The following TMEM183A variants were observed in gnomAD, a reference collection of about 807,000 sequenced individuals.
TMEM183A encodes transmembrane protein 183A, also known as chromosome 1 open reading frame 37.
Under a neutral mutation model 46.7 loss-of-function variants are expected in TMEM183A, and 21 were observed. That is an observed-to-expected ratio of 0.45 (90% CI 0.32 to 0.65). TMEM183A has a LOEUF of 0.65. Ranked by LOEUF, TMEM183A falls within the 30% of genes least tolerant of loss-of-function variation. TMEM183A has a pLI of 0.04. For missense variants in TMEM183A, 331 were observed against 481.9 expected (o/e 0.69, Z 2.93); for synonymous variants, 165 against 180.2 (o/e 0.92, Z 0.68).
chr1:203,009,874 G>A lies in TMEM183A; in HGVS notation c.367+1064G>A, dbSNP rs184814696. Among the ~76,000 whole-genome samples the A allele has an allele frequency of 8.3e-3, 1,270 of 152,232 alleles. 58 individuals carry two copies. Among genetic ancestry groups the A allele is most frequent in the Admixed American group, 0.077 (1,178 of 15,274 alleles). On this transcript the variant is annotated intron_variant, in intron 3 of 7. Coordinates refer to ENST00000367242, the MANE Select transcript of TMEM183A (RefSeq NM_138391.6). ...GGTGAGGCCAGGCATGGTGGCTCAC[G>A]CTTGTAATCCCAACACTTTGGGAGG...
At chr1:203,018,691 T>C (rs992445941) in intron 6 of TMEM183A, 130 bp downstream of exon 6, 15 of 1,085,918 alleles carry the variant, frequency 1.4e-5, no homozygotes, top group Non-Finnish European at 1.7e-5. Context: ...GAACGAACTT[T>C]ATTTCTTAAC....
In TMEM183A at chr1:203,023,895, CAG is replaced by C. The variant is rs1657946389; in HGVS notation, c.*858_*859del. On this transcript the variant is annotated 3_prime_UTR_variant, in exon 8 of 8. Coordinates refer to ENST00000367242, the MANE Select transcript of TMEM183A (RefSeq NM_138391.6). ...GTAGATGGTGGTAAAAAGGAGTAGG[CAG>C]AGTGTACATAGATAAAAAAAAGTAA... is the stretch of plus-strand genomic sequence containing the variant. 1 of 151,788 alleles carries C rather than the reference CAG, an allele frequency of 6.6e-6. No homozygotes were observed. 9.4% of individuals were successfully genotyped at this position (151,788 alleles called of 1,614,324 possible). A position where few individuals can be genotyped will look rare whatever the true frequency, so the allele number is the denominator to read the frequency against.
intron 2 of TMEM183A, 127 bp downstream of exon 2, chr1:203,007,990 AC>A: frequency 3.4e-6 from 4 of 1,170,074 alleles, no homozygotes; most frequent in Non-Finnish European, 4.8e-6. Context: ...GTGTTAACTT[AC>A]ATATTGGGGT....
intron 5 of TMEM183A, 158 bp downstream of exon 5, chr1:203,016,298 A>G: frequency 9.8e-7 from 1 of 1,025,494 alleles, no homozygotes; most frequent in Non-Finnish European, 1.4e-6. Context: ...CACTTCTCCA[A>G]GACCTTTCTG....
intron 5 of TMEM183A, 124 bp downstream of exon 5, chr1:203,016,264 G>A (rs1318772966): frequency 7.3e-7 from 1 of 1,372,444 alleles, no homozygotes; most frequent in Non-Finnish European, 1.0e-6. Context: ...GGGGACTAAT[G>A]TAAACTTCAG....
At chr1:203,018,648 T>A (rs969306995) in intron 6 of TMEM183A, 87 bp downstream of exon 6, 124 of 1,403,380 alleles carry the variant, frequency 8.8e-5, no homozygotes, top group Non-Finnish European at 1.2e-4. Flanking sequence ...TGTGTTGCTA[T>A]AACAGTACCA....
At chr1:203,012,844 C>T (rs1656797351) in intron 3 of TMEM183A, among the ~76,000 whole-genome samples, 1 of 152,190 alleles carries the variant, frequency 6.6e-6, no homozygotes, top group Non-Finnish European at 1.5e-5. Flanking sequence ...ATCCTTGCAC[C>T]TCAGCCTCCT....
intron 3 of TMEM183A, among the ~76,000 whole-genome samples, chr1:203,012,473 C>T (rs566855566): frequency 1.3e-4 from 20 of 152,276 alleles, no homozygotes; most frequent in African/African-American, 4.8e-4. Flanking sequence ...CATGTTAGCA[C>T]TTACTTGACA....
chr1:203,015,844 T>C, intron 4 of TMEM183A, 116 bp from the exon 5 acceptor site: 1 of 1,324,720 alleles, frequency 7.5e-7, no homozygotes, highest in Non-Finnish European at 1.0e-6. Flanking sequence ...ACAGGCTATC[T>C]ACTGGCCAGT....
At chr1:203,009,881 A>G (rs761339075) in intron 3 of TMEM183A, among the ~76,000 whole-genome samples, 1 of 152,166 alleles carries the variant, frequency 6.6e-6, no homozygotes, top group Non-Finnish European at 1.5e-5. Context: ...CACGCTTGTA[A>G]TCCCAACACT....
Position 203,008,757 on chromosome 1 carries a change from A to G in TMEM183A, c.314A>G (p.Glu105Gly). The change falls in exon 3 of 8, where the codon GAA (glutamate) becomes GGA (glycine). Residue 105 changes from glutamate to glycine, a missense_variant. By Grantham distance (98) the Glu-to-Gly change is moderately conservative. This residue lies in a region of TMEM183A where 233 missense variants were observed against 385.8 expected (regional missense o/e 0.60). Coordinates refer to ENST00000367242, the MANE Select transcript of TMEM183A (RefSeq NM_138391.6). ...AGTGATGAGATGGATGCCCAGGAGG[A>G]AAGCATCCATGAGAGAACTGTCTCC... ...DSSDEMDAQE[E>G]SIHERTVSRK... 6.2e-7 allele frequency: 1 copy of G among 1,609,738 alleles called. No individual in the cohort carries two copies. Among genetic ancestry groups the G allele is most frequent in the Non-Finnish European group, 8.5e-7 (1 of 1,178,060 alleles).
Position 203,016,068 on chromosome 1 carries a change from G to A in TMEM183A, c.636G>A (p.Glu212=). The part of the protein sequence containing the change: ...CVIRSLYHMY[E]PFAARISKNP... ...TCCGATCTCTGTACCATATGTATGA[G>A]CCATTTGCTGCTCGAATCTCCAAGA... The change falls in exon 5 of 8, where the codon GAG becomes GAA. Residue 212 remains glutamate, a synonymous_variant. Transcript: ENST00000367242. The A allele has an allele frequency of 6.2e-7, 1 of 1,614,202 alleles. No homozygotes were observed. The highest frequency in any genetic ancestry group is 8.5e-7 in the Non-Finnish European group (1 of 1,180,034).
chr1:203,016,878 A>G (rs1657212088), intron 5 of TMEM183A, among the ~76,000 whole-genome samples: 1 of 152,158 alleles, frequency 6.6e-6, no homozygotes, highest in South Asian at 2.1e-4. Flanking sequence ...TGAAATTACT[A>G]AATCACCTTT....
In TMEM183A at chr1:203,013,764, C is replaced by T. The variant is rs1383826770; in HGVS notation, c.368-1125C>T. Among the ~76,000 whole-genome samples, 4 of 151,900 alleles carry T rather than the reference C, an allele frequency of 2.6e-5. No individual in the cohort carries two copies. The South Asian group carries it at 6.2e-4, about 24-fold the overall frequency. On this transcript the variant is annotated intron_variant, in intron 3 of 7. Coordinates refer to ENST00000367242, the MANE Select transcript of TMEM183A (RefSeq NM_138391.6). This position sits in a 1 kb window ranked among gnomAD's most constrained non-coding sequence, Gnocchi z 4.0. ...TCCTGACCTCGCGATTCGCCCACCTCGGCCTCCCAAAGTGTTGGGATTACA... is the reference window on the plus strand; with the variant it reads ...TCCTGACCTCGCGATTCGCCCACCTTGGCCTCCCAAAGTGTTGGGATTACA...
Position 203,007,403 on chromosome 1 carries a change from G to C in TMEM183A, c.-63G>C. 1 of 1,334,090 alleles carries C rather than the reference G, an allele frequency of 7.5e-7. No individual in the cohort carries two copies. Among genetic ancestry groups the C allele is most frequent in the East Asian group, 3.0e-5 (1 of 33,014 alleles). The allele number at this position is 1,334,090 out of a possible 1,614,324, so 82.6% of individuals were successfully genotyped here. On this transcript the variant is annotated 5_prime_UTR_variant, in exon 1 of 8. Transcript: ENST00000367242. ...CGAGAGTTAGCGGCCTCCGGTGTGG[G>C]ATGGCCGCGGAGCCGGGCGGAGCTG... is the stretch of plus-strand genomic sequence containing the variant.
chr1:203,020,686 A>G, intron 6 of TMEM183A, 107 bp from the exon 7 acceptor site: 2 of 1,355,372 alleles, frequency 1.5e-6, no homozygotes, highest in Non-Finnish European at 2.0e-6. Context: ...AGAAGATAAA[A>G]GTGTATCTCA....
Position 203,015,038 on chromosome 1 carries a change from T to C in TMEM183A, c.517T>C (p.Leu173=). ...TTGCACTGCTGCCTTTTGGACCAGG[T>C]TGTACCGAAGGTGCGACCACAGAGA... ...VTCTAAFWTR[L]YRRHYTLDAS... Residue 173 remains leucine, a synonymous_variant, in exon 4 of 8, where the codon TTG becomes CTG. Transcript: ENST00000367242. 4 of 1,612,690 alleles carry C rather than the reference T, an allele frequency of 2.5e-6. No homozygotes were observed. The highest frequency in any genetic ancestry group is 2.5e-6 in the Non-Finnish European group (3 of 1,179,974).
rs769418163 is a variant in TMEM183A, at chr1:203,022,891, C to T, written c.982C>T (p.Arg328Ter). 4 of 1,613,662 alleles carry T rather than the reference C, an allele frequency of 2.5e-6. No individual in the cohort carries two copies. The highest frequency in any genetic ancestry group is 2.2e-5 in the East Asian group (1 of 44,876). ...INVSTDMRHH[R>*]VRLVFQDSPV... ...TGTGAGCACGGACATGCGGCATCAT[C>T]GAGTGAGACTGGTGTTCCAAGATTC... The change falls in exon 8 of 8, where the codon CGA becomes TGA. Residue 328 changes from arginine (R) to a stop codon, truncating the protein, a stop_gained. Coordinates refer to ENST00000367242, the MANE Select transcript of TMEM183A (RefSeq NM_138391.6). LOFTEE classifies it high-confidence loss of function.
intron 3 of TMEM183A, among the ~76,000 whole-genome samples, chr1:203,011,086 C>A (rs1444870963): frequency 1.3e-5 from 2 of 152,168 alleles, no homozygotes; most frequent in African/African-American, 4.8e-5. Context: ...TGTGAACATT[C>A]ATGGACAAGT....
Sources: gnomAD v4.1 joint callset for allele counts (sites outside exome capture counted in the v4.1 genomes callset) on GRCh38, gnomAD v4.1.1 for gene constraint, gnomAD v4.1.1 regional missense constraint, Gnocchi (gnomAD v3.1) non-coding constraint, MANE v1.5 for transcripts, NCBI Gene and HGNC (gene_info 2026-07-23, HGNC 2026-07-21) for gene names.